MON2: variants seen among roughly 807,000 people sequenced by gnomAD.
MON2 encodes the protein protein MON2 homolog.
MON2 carries 84 observed loss-of-function variants against 208.6 expected under a neutral mutation model. That is an observed-to-expected ratio of 0.40 (90% CI 0.34 to 0.48). The LOEUF (loss-of-function observed/expected upper bound fraction) is 0.48. MON2 is among the 20% of genes least tolerant of loss of function. The pLI, the probability that MON2 is intolerant of heterozygous loss-of-function variation, is 0.59. For synonymous variants in MON2, 660 were observed against 694.0 expected, an observed-to-expected ratio of 0.95 and a Z score of 0.77; for missense variants, 1,611 against 2,015.4, an observed-to-expected ratio of 0.80 and a Z score of 3.84.
chr12:62,523,383 G>T (rs1451434155), intron 8 of MON2, among the ~76,000 whole-genome samples: 1 of 152,146 alleles, frequency 6.6e-6, no homozygotes, highest in Admixed American at 6.6e-5. Flanking sequence ...TTACGCACAA[G>T]GTTGCTGGAT....
At chr12:62,473,798 T>A (rs2068919049) in intron 1 of MON2, among the ~76,000 whole-genome samples, 1 of 152,118 alleles carries the variant, frequency 6.6e-6, no homozygotes, top group Admixed American at 6.5e-5. Context: ...CGCAAACCCC[T>A]GAGCTCAAGC....
intron 30 of MON2, among the ~76,000 whole-genome samples, chr12:62,574,566 A>T (rs920460708): frequency 9.9e-5 from 15 of 151,944 alleles, no homozygotes; most frequent in African/African-American, 3.6e-4. Flanking sequence ...TTTTGTAGAG[A>T]TGGGATTTTG....
At chr12:62,533,269 T>G (rs2072747350) in intron 12 of MON2, among the ~76,000 whole-genome samples, 1 of 152,204 alleles carries the variant, frequency 6.6e-6, no homozygotes. Context: ...GTGTCATTAT[T>G]GGAGATGCTC....
At chr12:62,576,174 T>C (rs2074772618) in intron 30 of MON2, among the ~76,000 whole-genome samples, 1 of 152,146 alleles carries the variant, frequency 6.6e-6, no homozygotes, top group African/African-American at 2.4e-5. Flanking sequence ...CAAACATGGA[T>C]GAACATTTAC....
At chr12:62,581,132 TA>T (rs2074989701) in intron 32 of MON2, among the ~76,000 whole-genome samples, 1 of 152,358 alleles carries the variant, frequency 6.6e-6, no homozygotes, top group Non-Finnish European at 1.5e-5. Flanking sequence ...AATTCATGCT[TA>T]AAAAGAACTA....
At chr12:62,496,358 G>C (rs1379655032) in intron 4 of MON2, among the ~76,000 whole-genome samples, 1 of 152,002 alleles carries the variant, frequency 6.6e-6, no homozygotes, top group Admixed American at 6.6e-5. Flanking sequence ...TTAGTATGTT[G>C]GTTAATTTGG....
chr12:62,565,064 C>CTT (rs1397392153), intron 26 of MON2, 173 bp from the exon 27 acceptor site: 1 of 570,540 alleles, frequency 1.8e-6, no homozygotes, highest in African/African-American at 2.0e-5. Flanking sequence ...TCAGCCTATA[C>CTT]TTTATTCTAT....
intron 20 of MON2, among the ~76,000 whole-genome samples, chr12:62,544,092 G>A (rs1332831249): frequency 6.6e-6 from 1 of 152,116 alleles, no homozygotes; most frequent in Non-Finnish European, 1.5e-5. Flanking sequence ...TACAGTTTAG[G>A]TTTAGGTTAC....
Position 62,532,402 on chromosome 12 carries a change from CTTCTCATTAGTATTCTATAT to C in MON2, c.1401-33_1401-14del. ...GTTTTATGTATTTTTTTTGTTGTGG[CTTCTCATTAGTATTCTATAT>C]TTTTCATAATTTCAGCTTAGAAATG... is the stretch of plus-strand genomic sequence containing the variant. On this transcript the variant is annotated splice_polypyrimidine_tract_variant and intron_variant, in intron 11 of 34. Coordinates refer to ENST00000393630, the MANE Select transcript of MON2 (RefSeq NM_015026.3). 1 of 1,413,612 alleles carries C rather than the reference CTTCTCATTAGTATTCTATAT, an allele frequency of 7.1e-7. No homozygotes were observed. Among genetic ancestry groups the C allele is most frequent in the South Asian group, 1.2e-5 (1 of 84,308 alleles). 87.6% of individuals were successfully genotyped at this position (1,413,612 alleles called of 1,614,324 possible). A position where few individuals can be genotyped will look rare whatever the true frequency, so the allele number is the denominator to read the frequency against.
Position 62,525,188 on chromosome 12 carries a change from C to A in MON2, c.1214C>A (p.Pro405His), listed in dbSNP as rs893213998. 1.4e-5 allele frequency: 23 copies of A among 1,613,370 alleles called. No individual in the cohort carries two copies. The highest frequency in any genetic ancestry group is 1.7e-4 in the Middle Eastern group (1 of 6,058). Reference sequence around the variant, plus strand: ...ATACAGTCCTTGTTTCTTGTCCCCCCTACTGGAAATCCTGCAACAAGCAAC... The same window carrying A: ...ATACAGTCCTTGTTTCTTGTCCCCCATACTGGAAATCCTGCAACAAGCAAC... ...SFIQSLFLVP[P>H]TGNPATSNQA... The change falls in exon 10 of 35, where the codon CCT (proline) becomes CAT (histidine). Residue 405 changes from proline (P) to histidine (H), a missense_variant. Transcript: ENST00000393630.
intron 25 of MON2, among the ~76,000 whole-genome samples, chr12:62,557,714 T>A (rs2074020639): frequency 6.6e-6 from 1 of 151,838 alleles, no homozygotes; most frequent in African/African-American, 2.4e-5. Flanking sequence ...GTGCACTTTT[T>A]TCTCCTTTTT....
In MON2 at chr12:62,513,237, C is replaced by T. The variant is rs191127299; in HGVS notation, c.984+4757C>T. Among the ~76,000 whole-genome samples, 22 of 152,054 alleles carry T rather than the reference C, an allele frequency of 1.4e-4. No individual in the cohort carries two copies. The East Asian group carries it at 3.5e-3, about 24-fold the overall frequency. On this transcript the variant is annotated intron_variant, in intron 8 of 34. Transcript: ENST00000393630. ...AAAATGGGATTTTCTTTTCTTTTTG[C>T]GGGGGAGGGATGGAGTCTTGCTCTG...
Position 62,546,937 on chromosome 12 carries a change from C to A in MON2, c.2618C>A (p.Ser873Tyr), listed in dbSNP as rs2073512927. The A allele has an allele frequency of 6.2e-7, 1 of 1,612,932 alleles. No individual in the cohort carries two copies. Among genetic ancestry groups the A allele is most frequent in the East Asian group, 2.2e-5 (1 of 44,784 alleles). Reference protein sequence around the residue: ...LLLLNPLKEMSNINHPDIRLK... With the variant: ...LLLLNPLKEMYNINHPDIRLK... ...TTATTGAACCCGTTAAAGGAGATGT[C>A]CAATATTAATCATCCAGATATTCGA... The change falls in exon 22 of 35, where the codon TCC becomes TAC. Residue 873 changes from serine to tyrosine, a missense_variant. By Grantham distance (144) the Ser-to-Tyr change is moderately radical. Transcript: ENST00000393630.
At position 62,593,376 on chromosome 12, in the gene MON2, T is replaced by C. The variant is rs955479790; in HGVS notation, c.*627T>C. Reference sequence around the variant, plus strand: ...AATTGTTTGCTTACATTTTTACTTATAATTTGCCTTCATATGTGGCGGATA... The same window carrying C: ...AATTGTTTGCTTACATTTTTACTTACAATTTGCCTTCATATGTGGCGGATA... On this transcript the variant is annotated 3_prime_UTR_variant, in exon 35 of 35. Coordinates refer to ENST00000393630, the MANE Select transcript of MON2 (RefSeq NM_015026.3). 2.6e-5 allele frequency: 4 copies of C among 152,478 alleles called. No individual in the cohort carries two copies. The highest frequency in any genetic ancestry group is 5.9e-5 in the Non-Finnish European group (4 of 67,978). 9.4% of individuals were successfully genotyped at this position (152,478 alleles called of 1,614,324 possible).
At chr12:62,527,092 C>CT (rs2072371289) in intron 11 of MON2, among the ~76,000 whole-genome samples, 1 of 152,132 alleles carries the variant, frequency 6.6e-6, no homozygotes, top group Non-Finnish European at 1.5e-5. Context: ...TGTCACTGCA[C>CT]TCCAGCCTGG....
chr12:62,567,971 A>G (rs1193307356), intron 29 of MON2, among the ~76,000 whole-genome samples: 2 of 152,342 alleles, frequency 1.3e-5, no homozygotes, highest in South Asian at 4.1e-4. Context: ...TGTCTTACCT[A>G]TAATGAGAGA....
At position 62,477,696 on chromosome 12, in the gene MON2, G is replaced by A. The variant is rs143332033; in HGVS notation, c.112-6474G>A. On this transcript the variant is annotated intron_variant, in intron 1 of 34. Transcript: ENST00000393630. The stretch of plus-strand genomic sequence containing the variant: ...CTCCCAAAGTGCTGGGATTACAGGC[G>A]TGAGCCACTACTTCTGGCCTAGATT... 5.3e-3 allele frequency among the ~76,000 whole-genome samples: 799 copies of A among 151,940 alleles called. 3 individuals are homozygous for A. The highest frequency in any genetic ancestry group is 9.1e-3 in the Non-Finnish European group (621 of 67,966).
At chr12:62,515,237 A>G (rs1378229688) in intron 8 of MON2, among the ~76,000 whole-genome samples, 1 of 152,244 alleles carries the variant, frequency 6.6e-6, no homozygotes, top group Non-Finnish European at 1.5e-5. Context: ...AAGCAGTTCC[A>G]GTGTTCATTG....
intron 1 of MON2, among the ~76,000 whole-genome samples, chr12:62,467,739 C>T (rs2068587156): frequency 1.3e-5 from 2 of 152,178 alleles, no homozygotes; most frequent in South Asian, 2.1e-4. Context: ...AACAATTTTC[C>T]TTCTGGTATA....
Sources: gnomAD v4.1 joint callset for allele counts (sites outside exome capture counted in the v4.1 genomes callset) on GRCh38, gnomAD v4.1.1 for gene constraint, MANE v1.5 for transcripts, NCBI Gene and HGNC (gene_info 2026-07-23, HGNC 2026-07-21) for gene names.